Variants in PTPRT observed in about 807,000 individuals in gnomAD.
PTPRT encodes receptor-type tyrosine-protein phosphatase T.
A neutral mutation model predicts 176.8 loss-of-function variants in PTPRT; 56 were observed. The observed-to-expected ratio is 0.32, with a 90% CI of 0.26 to 0.40. The LOEUF (loss-of-function observed/expected upper bound fraction) is 0.40, where lower values mean the gene tolerates loss of function less well. PTPRT is among the 10% of genes least tolerant of loss of function. The pLI is 1.00. For missense variants in PTPRT, 1,540 were observed against 1,908.2 expected (o/e 0.81, Z 3.60); for synonymous variants, 783 against 739.0 (o/e 1.06, Z -0.96).
rs993633669 is a variant in PTPRT at position 42,897,775 on chromosome 20, T to C, written c.89-11843A>G. The stretch of plus-strand genomic sequence containing the variant: ...TTGGCCAACTTATGTAACTTCTATG[T>C]GCTTCATTTCTCCATCTGTAAAACT... On this transcript the variant is annotated intron_variant, in intron 1 of 30. Coordinates refer to ENST00000373187, the MANE Select transcript of PTPRT (RefSeq NM_007050.6). Among the ~76,000 whole-genome samples the C allele has an allele frequency of 4.6e-5, 7 of 152,216 alleles. No homozygotes were observed. The South Asian group carries it at 8.3e-4, about 18-fold the overall frequency.
chr20:43,112,757 A>G (rs1239137372), intron 1 of PTPRT, among the ~76,000 whole-genome samples: 6 of 152,226 alleles, frequency 3.9e-5, no homozygotes, highest in African/African-American at 1.4e-4. Flanking sequence ...TTAACCCCAT[A>G]TGGCCCAGGG....
intron 13 of PTPRT, among the ~76,000 whole-genome samples, chr20:42,267,888 A>G (rs974017341): frequency 6.6e-6 from 1 of 152,244 alleles, no homozygotes; most frequent in Non-Finnish European, 1.5e-5. Flanking sequence ...ATGATTACCT[A>G]TGACTGTGGC....
chr20:42,332,471 A>G (rs2057980032), intron 11 of PTPRT, among the ~76,000 whole-genome samples: 1 of 152,050 alleles, frequency 6.6e-6, no homozygotes, highest in African/African-American at 2.4e-5. Flanking sequence ...GGGCTTCCCA[A>G]AGTGCTGGGA....
At chr20:42,746,436 G>T (rs935959050) in intron 6 of PTPRT, among the ~76,000 whole-genome samples, 1 of 152,104 alleles carries the variant, frequency 6.6e-6, no homozygotes. Flanking sequence ...ACATAGGCAC[G>T]CACTTTGTTT....
At position 42,867,683 on chromosome 20, in the gene PTPRT, C is replaced by CTT. The variant is rs5841476; in HGVS notation, c.214+18122_214+18123dup. Reference sequence around the variant, plus strand: ...ATAAATTTAAAAATTTACATATGGCCTTTTTTTTTTTTTTTTTTGTGACAG... The same window carrying CTT: ...ATAAATTTAAAAATTTACATATGGCCTTTTTTTTTTTTTTTTTTTTGTGACAG... On this transcript the variant is annotated intron_variant, in intron 2 of 30. Coordinates refer to ENST00000373187, the MANE Select transcript of PTPRT (RefSeq NM_007050.6). 1.6e-3 allele frequency among the ~76,000 whole-genome samples: 183 copies of CTT among 113,396 alleles called. 5 individuals are homozygous for CTT. The highest frequency in any genetic ancestry group is 5.1e-3 in the African/African-American group (141 of 27,428). The allele number at this position is 113,396 out of a possible 152,430, so 74.4% of individuals were successfully genotyped here. A position where few individuals can be genotyped will look rare whatever the true frequency, so the allele number is the denominator to read the frequency against.
At chr20:42,950,173 G>T (rs1401944256) in intron 1 of PTPRT, among the ~76,000 whole-genome samples, 1 of 152,198 alleles carries the variant, frequency 6.6e-6, no homozygotes, top group African/African-American at 2.4e-5. Context: ...CCTCCTCAGG[G>T]TTGGGAGCAC....
chr20:42,642,580 T>A (rs896632760), intron 7 of PTPRT, among the ~76,000 whole-genome samples: 7 of 152,228 alleles, frequency 4.6e-5, no homozygotes, highest in African/African-American at 1.7e-4. Context: ...TCCCACCTAA[T>A]CCTCATAACA....
chr20:42,353,136 T>G (rs1221106137), intron 9 of PTPRT, among the ~76,000 whole-genome samples: 1 of 152,220 alleles, frequency 6.6e-6, no homozygotes, highest in Non-Finnish European at 1.5e-5. Context: ...TTTTCATAAG[T>G]GCAGTAGCCC....
intron 1 of PTPRT, among the ~76,000 whole-genome samples, chr20:43,063,060 G>A (rs1002993051): frequency 2.0e-5 from 3 of 151,738 alleles, no homozygotes; most frequent in African/African-American, 7.3e-5. Context: ...GCTCTATTTA[G>A]GCTTATAAAT....
intron 7 of PTPRT, among the ~76,000 whole-genome samples, chr20:42,623,158 C>G (rs6030367): frequency 0.21 from 31,623 of 152,252 alleles, 4,573 homozygotes; most frequent in African/African-American, 0.41. Flanking sequence ...TGTGCAGCCT[C>G]ATTCTTCCTA....
intron 8 of PTPRT, among the ~76,000 whole-genome samples, chr20:42,469,501 C>T (rs982783869): frequency 4.6e-5 from 7 of 152,138 alleles, no homozygotes; most frequent in Non-Finnish European, 8.8e-5. Flanking sequence ...CATGTCTGGC[C>T]AATTAATTCC....
intron 16 of PTPRT, among the ~76,000 whole-genome samples, chr20:42,177,617 C>T (rs1400692287): frequency 5.3e-5 from 8 of 152,158 alleles, no homozygotes; most frequent in African/African-American, 1.4e-4. Flanking sequence ...TAGTACCGTA[C>T]AAGAGTCATT....
chr20:42,705,798 G>A (rs1298463996), intron 6 of PTPRT, among the ~76,000 whole-genome samples: 1 of 152,018 alleles, frequency 6.6e-6, no homozygotes, highest in Non-Finnish European at 1.5e-5. Flanking sequence ...GACACATGGG[G>A]GACTCAAGGC....
chr20:42,377,568 A>G (rs2058663561), intron 9 of PTPRT, among the ~76,000 whole-genome samples: 1 of 152,220 alleles, frequency 6.6e-6, no homozygotes, highest in Non-Finnish European at 1.5e-5. Flanking sequence ...TGGATCCTAC[A>G]TGGTGTAACG....
chr20:42,763,454 T>G (rs2076943329), intron 5 of PTPRT, among the ~76,000 whole-genome samples: 1 of 151,852 alleles, frequency 6.6e-6, no homozygotes, highest in Non-Finnish European at 1.5e-5. Context: ...CTTCTTGGCA[T>G]CAAAATAATA....
chr20:42,061,970 G>A, the PTPRT span, among the ~76,000 whole-genome samples: 9 of 152,150 alleles, frequency 5.9e-5, no homozygotes, highest in Admixed American at 2.0e-4. Context: ...AACAAACCAC[G>A]CCAGCAGAAA....
chr20:42,088,270 C>T (rs1984222165), intron 27 of PTPRT, among the ~76,000 whole-genome samples: 1 of 152,170 alleles, frequency 6.6e-6, no homozygotes, highest in Admixed American at 6.5e-5. Flanking sequence ...TTGAGTCTCT[C>T]CTCAGCGGGG....
intron 6 of PTPRT, among the ~76,000 whole-genome samples, chr20:42,730,675 T>A (rs964204836): frequency 1.8e-4 from 27 of 152,106 alleles, no homozygotes; most frequent in African/African-American, 6.0e-4. Flanking sequence ...CCCTACCCTA[T>A]CAATGCTGAA....
At chr20:42,314,543 GAAAGA>G (rs749190527) in intron 12 of PTPRT, among the ~76,000 whole-genome samples, 10,779 of 118,490 alleles carry the variant, frequency 0.091, 580 homozygotes, top group East Asian at 0.24. Context: ...AAAAAAAAAA[GAAAGA>G]AAAGAAAAGA....
Sources: gnomAD v4.1 joint callset for allele counts (sites outside exome capture counted in the v4.1 genomes callset) on GRCh38, gnomAD v4.1.1 for gene constraint, MANE v1.5 for transcripts, NCBI Gene and HGNC (gene_info 2026-07-23, HGNC 2026-07-21) for gene names.